The following DNAJA4 variants were observed in gnomAD, a reference collection of about 807,000 sequenced individuals.
DNAJA4 encodes the protein DnaJ heat shock protein family (Hsp40) member A4.
A neutral mutation model predicts 39.7 loss-of-function variants in DNAJA4; 32 were observed. That is an observed-to-expected ratio of 0.81 (90% CI 0.61 to 1.08). The LOEUF is 1.08. Among genes scored for constraint, DNAJA4 ranks in the 50% least tolerant of loss-of-function variants. DNAJA4 has a pLI of 0.00. For missense variants in DNAJA4, 439 were observed against 505.1 expected, an observed-to-expected ratio of 0.87 and a Z score of 1.25; for synonymous variants, 184 against 182.4, an observed-to-expected ratio of 1.01 and a Z score of -0.07.
In DNAJA4 at chr15:78,280,420, A is replaced by T; in HGVS notation, c.1154A>T (p.Glu385Val). ...RQHREAYEED[E>V]DGPQAGVQCQ... ...CACAGGGAGGCCTACGAGGAGGACGAAGACGGGCCCCAGGCTGGAGTGCAG... is the reference window on the plus strand; with the variant it reads ...CACAGGGAGGCCTACGAGGAGGACGTAGACGGGCCCCAGGCTGGAGTGCAG... Residue 385 changes from glutamate to valine, a missense_variant, in exon 7 of 7, where the codon GAA becomes GTA. Glu to Val is a moderately radical substitution (Grantham distance 121, BLOSUM62 -2). Transcript: ENST00000394852. 6.2e-7 allele frequency: 1 copy of T among 1,613,668 alleles called. No homozygotes were observed. Among genetic ancestry groups the T allele is most frequent in the Non-Finnish European group, 8.5e-7 (1 of 1,179,948 alleles).
chr15:78,276,082 G>A (rs1167217254), intron 5 of DNAJA4, among the ~76,000 whole-genome samples: 3 of 152,094 alleles, frequency 2.0e-5, no homozygotes, highest in Non-Finnish European at 2.9e-5. Context: ...ATTCAGTTGG[G>A]GGGAAAGTCT....
rs772050961 is a variant in DNAJA4 at position 78,280,240 on chromosome 15, TA to T, written c.979-4del. The T allele has an allele frequency of 6.2e-7, 1 of 1,613,890 alleles. No individual in the cohort carries two copies. The highest frequency in any genetic ancestry group is 2.2e-5 in the East Asian group (1 of 44,882). ...CACCTTTCTTTCCCACCTCACCCTT[TA>T]CAGGTAATCTTTCCTGAAAAACACT... On this transcript the variant is annotated splice_polypyrimidine_tract_variant and splice_region_variant and intron_variant, in intron 6 of 6. Transcript: ENST00000394852.
At chr15:78,272,876 G>T (rs971777795) in intron 2 of DNAJA4, among the ~76,000 whole-genome samples, 3 of 152,200 alleles carry the variant, frequency 2.0e-5, no homozygotes, top group African/African-American at 7.2e-5. Flanking sequence ...TGAATAATTA[G>T]CTCATAGCTA....
chr15:78,272,191 G>C (rs565891179), intron 2 of DNAJA4, among the ~76,000 whole-genome samples: 1 of 152,230 alleles, frequency 6.6e-6, no homozygotes, highest in South Asian at 2.1e-4. Context: ...CAAAAACTTA[G>C]GTGGGCGCGG....
intron 5 of DNAJA4, among the ~76,000 whole-genome samples, chr15:78,277,190 C>A (rs2049490246): frequency 6.6e-6 from 1 of 151,988 alleles, no homozygotes; most frequent in African/African-American, 2.4e-5. Context: ...AAAATTTGTT[C>A]ATTTATTTTT....
intron 5 of DNAJA4, among the ~76,000 whole-genome samples, chr15:78,277,597 T>TA (rs1419342384): frequency 6.6e-6 from 1 of 152,118 alleles, no homozygotes; most frequent in Non-Finnish European, 1.5e-5. Context: ...AAGATGCCCT[T>TA]ACGTGGTCAC....
chr15:78,270,420 G>T, intron 1 of DNAJA4, 77 bp from the exon 2 acceptor site: 1 of 1,469,624 alleles, frequency 6.8e-7, no homozygotes, highest in Non-Finnish European at 9.3e-7. Context: ...CTATTACTTT[G>T]TATGTTTATA....
chr15:78,269,274 A>G (rs185703723), intron 1 of DNAJA4, among the ~76,000 whole-genome samples: 8 of 152,300 alleles, frequency 5.3e-5, no homozygotes, highest in Admixed American at 4.6e-4. Context: ...AGGAGGGCAC[A>G]TGGAAGACCA....
At chr15:78,264,362 C>A, upstream of DNAJA4, 5 of 1,449,652 alleles carry the variant, frequency 3.4e-6, no homozygotes, top group Non-Finnish European at 4.5e-6. Context: ...ATCAGACGGG[C>A]AGCCAAAGGA....
intron 5 of DNAJA4, chr15:78,278,028 T>C (rs1188716442): frequency 6.6e-6 from 3 of 455,854 alleles, no homozygotes; most frequent in Non-Finnish European, 1.3e-5. Context: ...CTCCCTCTTC[T>C]TCCTCTTTTC....
At position 78,268,489 on chromosome 15, in the gene DNAJA4, CAG is replaced by C. The variant is rs1312857131; in HGVS notation, c.133-2007_133-2006del. 2.0e-5 allele frequency among the ~76,000 whole-genome samples: 3 copies of C among 152,290 alleles called. No individual in the cohort carries two copies. In the East Asian group the frequency reaches 5.8e-4, roughly 29 times the overall value. On this transcript the variant is annotated intron_variant, in intron 1 of 6. Transcript: ENST00000394852. ...TATTGGTTACTTATTAGATTTCAAT[CAG>C]GGATCTGTAGAACAAGGGAATTAAT...
In DNAJA4 at chr15:78,280,487, C is replaced by T. The variant is rs575594484; in HGVS notation, c.*27C>T. 33 of 1,555,478 alleles carry T rather than the reference C, an allele frequency of 2.1e-5. No homozygotes were observed. Among genetic ancestry groups the T allele is most frequent in the Middle Eastern group, 2.1e-4 (1 of 4,822 alleles). On this transcript the variant is annotated 3_prime_UTR_variant, in exon 7 of 7. Coordinates refer to ENST00000394852, the MANE Select transcript of DNAJA4 (RefSeq NM_001130182.2). ...GTGGTGCGGGGCAGCGTGGCCCCAC[C>T]GGACTAGCACATGATGAATGTAAAG...
At chr15:78,272,555 C>T (rs1350232256) in intron 2 of DNAJA4, among the ~76,000 whole-genome samples, 1 of 152,186 alleles carries the variant, frequency 6.6e-6, no homozygotes, top group Non-Finnish European at 1.5e-5. Flanking sequence ...GAGCACACCC[C>T]CACCCTGTGG....
At chr15:78,277,954 G>A (rs1029717109) in intron 5 of DNAJA4, 2 of 436,002 alleles carry the variant, frequency 4.6e-6, no homozygotes, top group African/African-American at 2.1e-5. Flanking sequence ...GTTCTCTTTT[G>A]CACCCTCTCT....
intron 5 of DNAJA4, among the ~76,000 whole-genome samples, chr15:78,278,901 C>T (rs1317903063): frequency 6.9e-6 from 1 of 145,728 alleles, no homozygotes; most frequent in African/African-American, 2.5e-5. Flanking sequence ...GAACTCCTGA[C>T]CTCGTGATCC....
chr15:78,274,889 C>T (rs188861959), intron 4 of DNAJA4: 1 of 185,406 alleles, frequency 5.4e-6, no homozygotes, highest in Admixed American at 5.4e-5. Flanking sequence ...ACAGCACCTT[C>T]TCCTGCTATT....
chr15:78,276,240 C>T (rs1416049839), intron 5 of DNAJA4, among the ~76,000 whole-genome samples: 1 of 152,186 alleles, frequency 6.6e-6, no homozygotes, highest in Non-Finnish European at 1.5e-5. Context: ...CCACATGTTC[C>T]TGTAGCCTCT....
At chr15:78,272,045 G>A (rs78376747) in intron 2 of DNAJA4, among the ~76,000 whole-genome samples, 3,241 of 152,226 alleles carry the variant, frequency 0.021, 49 homozygotes, top group Non-Finnish European at 0.036. Flanking sequence ...TGAGCATATC[G>A]CCTGCTCCTA....
intron 1 of DNAJA4, among the ~76,000 whole-genome samples, chr15:78,268,833 A>C (rs1442030684): frequency 6.6e-6 from 1 of 152,258 alleles, no homozygotes; most frequent in Admixed American, 6.5e-5. Context: ...TGGGGGCTAC[A>C]GCATAAGCAG....
Sources: allele counts gnomAD v4.1 joint callset (sites outside exome capture counted in the v4.1 genomes callset), GRCh38; gene constraint gnomAD v4.1.1; transcripts MANE v1.5; gene names NCBI Gene and HGNC (gene_info 2026-07-23, HGNC 2026-07-21).